Variants in SLIT3 observed in about 807,000 individuals in gnomAD.
SLIT3 encodes slit guidance ligand 3.
Under a neutral mutation model 184.0 loss-of-function variants are expected in SLIT3, and 68 were observed. The ratio of observed to expected loss-of-function variants is 0.37; its 90% CI spans 0.30 to 0.45. The LOEUF is 0.45. SLIT3 is among the 20% of genes least tolerant of loss of function. The pLI is 1.00. For synonymous variants in SLIT3, 831 were observed against 828.6 expected (o/e 1.00, Z -0.05); for missense variants, 1,707 against 2,026.0 (o/e 0.84, Z 3.02).
intron 4 of SLIT3, among the ~76,000 whole-genome samples, chr5:168,909,088 C>T (rs1332373385): frequency 6.6e-6 from 1 of 152,226 alleles, no homozygotes; most frequent in East Asian, 1.9e-4. Flanking sequence ...CCATGTCATT[C>T]CCACAGGCCT....
intron 4 of SLIT3, among the ~76,000 whole-genome samples, chr5:169,087,249 A>G (rs953159552): frequency 6.6e-6 from 1 of 152,222 alleles, no homozygotes; most frequent in Non-Finnish European, 1.5e-5. Context: ...AGGAGAAAAC[A>G]GAGTCCAGAA....
intron 6 of SLIT3, among the ~76,000 whole-genome samples, chr5:168,832,791 G>GT (rs1342052009): frequency 5.3e-5 from 8 of 152,112 alleles, no homozygotes; most frequent in Non-Finnish European, 8.8e-5. Flanking sequence ...AGGTCTCCTG[G>GT]TTTTTTAATA....
chr5:169,071,458 T>C (rs1354966490), intron 4 of SLIT3, among the ~76,000 whole-genome samples: 1 of 152,162 alleles, frequency 6.6e-6, no homozygotes, highest in African/African-American at 2.4e-5. Context: ...GAGGGAAAGG[T>C]AGTTCATAAA....
At chr5:169,063,925 T>C (rs1024168640) in intron 4 of SLIT3, among the ~76,000 whole-genome samples, 19 of 152,228 alleles carry the variant, frequency 1.2e-4, no homozygotes, top group African/African-American at 4.6e-4. Flanking sequence ...ATGCCGTATT[T>C]ATGCATGAAA....
At chr5:168,848,982 T>C (rs957530223) in intron 5 of SLIT3, among the ~76,000 whole-genome samples, 1 of 152,136 alleles carries the variant, frequency 6.6e-6, no homozygotes, top group African/African-American at 2.4e-5. Context: ...AAAAACTGAC[T>C]ACAATTTAAA....
chr5:169,118,245 G>T (rs1469388544), intron 4 of SLIT3, among the ~76,000 whole-genome samples: 3 of 152,140 alleles, frequency 2.0e-5, no homozygotes, highest in Admixed American at 1.3e-4. Context: ...AAAAGAATCT[G>T]TATTTCCTCA....
At chr5:169,053,963 C>T (rs145896054) in intron 4 of SLIT3, among the ~76,000 whole-genome samples, 1,733 of 152,030 alleles carry the variant, frequency 0.011, 28 homozygotes, top group African/African-American at 0.039. Flanking sequence ...TGGTGGCGCA[C>T]GCCTGTAATC....
intron 10 of SLIT3, among the ~76,000 whole-genome samples, chr5:168,794,858 G>A (rs932805842): frequency 6.6e-6 from 1 of 152,074 alleles, no homozygotes; most frequent in African/African-American, 2.4e-5. Context: ...AGAGCTCAGG[G>A]CTCCCTTCCT....
intron 4 of SLIT3, among the ~76,000 whole-genome samples, chr5:168,994,551 G>A (rs138898685): frequency 1.4e-5 from 2 of 146,930 alleles, no homozygotes; most frequent in East Asian, 2.0e-4. Flanking sequence ...TTTGCCATTC[G>A]CTGGTCAAAG....
chr5:168,682,510 C>A (rs577081190), intron 32 of SLIT3, among the ~76,000 whole-genome samples: 1 of 152,292 alleles, frequency 6.6e-6, no homozygotes, highest in East Asian at 1.9e-4. Context: ...TCTATCATGT[C>A]TGTAGGTGAT....
At chr5:168,919,128 C>T (rs901964500) in intron 4 of SLIT3, among the ~76,000 whole-genome samples, 2 of 151,844 alleles carry the variant, frequency 1.3e-5, no homozygotes, top group Non-Finnish European at 2.9e-5. Flanking sequence ...AGCGTGGTGG[C>T]GGGTGCCTGT....
rs553324927 is a variant in SLIT3 at position 168,899,636 on chromosome 5, T to G, written c.414-16300A>C. Among the ~76,000 whole-genome samples the G allele has an allele frequency of 1.8e-4, 27 of 152,360 alleles. No individual in the cohort carries two copies. The South Asian group carries it at 5.4e-3, about 30-fold the overall frequency. ...GAATGAAGCTATAAGCATTGCCATG[T>G]AGGTTCAGAGTTGTTATCTACAGTG... On this transcript the variant is annotated intron_variant, in intron 4 of 35. Transcript: ENST00000519560.
At chr5:168,825,184 A>T (rs1757658942) in intron 6 of SLIT3, among the ~76,000 whole-genome samples, 1 of 152,152 alleles carries the variant, frequency 6.6e-6, no homozygotes, top group Non-Finnish European at 1.5e-5. Flanking sequence ...ACTGACATTC[A>T]TGGAGAGAAT....
chr5:169,146,138 C>T (rs192750101), intron 4 of SLIT3, among the ~76,000 whole-genome samples: 6 of 152,332 alleles, frequency 3.9e-5, no homozygotes, highest in South Asian at 2.1e-4. Context: ...GAATGTATTA[C>T]GAATATCTCT....
At chr5:168,733,101 GA>G (rs148624514) in intron 20 of SLIT3, among the ~76,000 whole-genome samples, 20,806 of 146,596 alleles carry the variant, frequency 0.14, 1,796 homozygotes, top group Non-Finnish European at 0.2. Flanking sequence ...AACTTGACAA[GA>G]AAAAAAAAAC....
At chr5:168,725,253 C>T (rs1420744735) in intron 20 of SLIT3, among the ~76,000 whole-genome samples, 1 of 152,148 alleles carries the variant, frequency 6.6e-6, no homozygotes, top group Admixed American at 6.5e-5. Context: ...ACCTGCTCAC[C>T]TAGGATGAGG....
intron 4 of SLIT3, among the ~76,000 whole-genome samples, chr5:168,927,016 C>T (rs1761849111): frequency 6.6e-6 from 1 of 152,188 alleles, no homozygotes; most frequent in Admixed American, 6.5e-5. Flanking sequence ...AGCAGTTCCA[C>T]CTTTATGTAT....
At chr5:169,103,590 T>C (rs1208135258) in intron 4 of SLIT3, among the ~76,000 whole-genome samples, 1 of 152,216 alleles carries the variant, frequency 6.6e-6, no homozygotes, top group East Asian at 1.9e-4. Context: ...AGGGATTAAG[T>C]TCCCTGTCTC....
At chr5:168,898,964 A>T (rs1300812051) in intron 4 of SLIT3, among the ~76,000 whole-genome samples, 1 of 152,078 alleles carries the variant, frequency 6.6e-6, no homozygotes, top group Non-Finnish European at 1.5e-5. Flanking sequence ...ACATTATGTG[A>T]GAAGGCTATT....
Sources: allele counts gnomAD v4.1 joint callset (sites outside exome capture counted in the v4.1 genomes callset), GRCh38; gene constraint gnomAD v4.1.1; transcripts MANE v1.5; gene names NCBI Gene and HGNC (gene_info 2026-07-23, HGNC 2026-07-21).